The following HERC2 variants were observed in gnomAD, a reference collection of about 807,000 sequenced individuals.
HERC2 encodes the protein HECT and RLD domain containing E3 ubiquitin protein ligase 2.
A neutral mutation model predicts 537.7 loss-of-function variants in HERC2; 102 were observed. The observed-to-expected ratio is 0.19, with a 90% CI of 0.16 to 0.22. The LOEUF (loss-of-function observed/expected upper bound fraction) is 0.22, where lower values mean the gene tolerates loss of function less well. HERC2 is among the 10% of genes least tolerant of loss of function. The pLI is 1.00. For synonymous variants in HERC2, 2,224 were observed against 2,466.2 expected, an observed-to-expected ratio of 0.90 and a Z score of 2.91; for missense variants, 4,236 against 6,198.2, an observed-to-expected ratio of 0.68 and a Z score of 10.63.
intron 20 of HERC2, among the ~76,000 whole-genome samples, chr15:28,252,132 A>G (rs1407571311): frequency 6.6e-6 from 1 of 152,212 alleles, no homozygotes; most frequent in Non-Finnish European, 1.5e-5. Flanking sequence ...ATTAATAAAA[A>G]TTAAACAGAT....
Position 28,142,271 on chromosome 15 carries a change from T to C in HERC2, c.11667A>G (p.Lys3889=), listed in dbSNP as rs202215092. 163 of 1,614,228 alleles carry C rather than the reference T, an allele frequency of 1.0e-4. No homozygotes were observed. The highest frequency in any genetic ancestry group is 3.7e-4 in the Admixed American group (22 of 60,030). The change falls in exon 76 of 93, where the codon AAA becomes AAG. Residue 3889 remains lysine (K), a synonymous_variant. Coordinates refer to ENST00000261609, the MANE Select transcript of HERC2 (RefSeq NM_004667.6). The stretch of plus-strand genomic sequence containing the variant: ...GAAACAGACGGGGCAACGGTGTTCT[T>C]TTGTCAAGGGCCACAGCAACACGGG... ...MASRVAVALD[K]RTPLPRLFLD... is the part of the protein sequence containing the mutation.
intron 69 of HERC2, among the ~76,000 whole-genome samples, chr15:28,154,830 T>G (rs1892820561): frequency 6.6e-6 from 1 of 152,118 alleles, no homozygotes; most frequent in Non-Finnish European, 1.5e-5. Flanking sequence ...GTTTGTTACA[T>G]ATGTACACAT....
chr15:28,230,101 G>A (rs1054642986), intron 31 of HERC2, among the ~76,000 whole-genome samples: 2 of 152,278 alleles, frequency 1.3e-5, no homozygotes, highest in Admixed American at 6.5e-5. Flanking sequence ...ACAGGGCCCA[G>A]CACTGTTTCT....
chr15:28,292,956 T>C lies in HERC2; in HGVS notation c.254A>G (p.Glu85Gly), dbSNP rs765598082. 146 of 1,611,258 alleles carry C rather than the reference T, an allele frequency of 9.1e-5. No individual in the cohort carries two copies. Among genetic ancestry groups the C allele is most frequent in the Non-Finnish European group, 1.2e-4 (138 of 1,179,466 alleles). The change falls in exon 4 of 93, where the codon GAA (glutamate) becomes GGA (glycine). Residue 85 changes from glutamate to glycine, a missense_variant. This residue lies in a region of HERC2 where 491 missense variants were observed against 559.3 expected (regional missense o/e 0.88). Transcript: ENST00000261609. ...DLNDKEKKDE[E>G]ETPAPIYRAK... ...CCTATATATAGGTGCAGGAGTTTCT[T>C]CTTCATCTTTTTTCTCTTTGTCATT... is the stretch of plus-strand genomic sequence containing the variant.
intron 23 of HERC2, among the ~76,000 whole-genome samples, chr15:28,240,189 T>C (rs539813803): frequency 7.3e-4 from 111 of 152,244 alleles, no homozygotes; most frequent in African/African-American, 2.0e-3. Flanking sequence ...GAGGCCAAGG[T>C]GGGCAGATCA....
intron 69 of HERC2, among the ~76,000 whole-genome samples, chr15:28,155,812 G>C (rs1892951921): frequency 6.6e-6 from 1 of 152,082 alleles, no homozygotes; most frequent in African/African-American, 2.4e-5. Context: ...ATTGCTTTTG[G>C]TGTTTGAGAC....
chr15:28,256,849 C>T (rs1317193048), intron 17 of HERC2, among the ~76,000 whole-genome samples: 1 of 152,216 alleles, frequency 6.6e-6, no homozygotes, highest in Admixed American at 6.5e-5. Context: ...CCGCCCAGGC[C>T]TCCCAAAAGT....
Position 28,280,075 on chromosome 15 carries a change from T to C in HERC2, c.535A>G (p.Lys179Glu). 1 of 1,610,692 alleles carries C rather than the reference T, an allele frequency of 6.2e-7. No individual in the cohort carries two copies. The highest frequency in any genetic ancestry group is 8.5e-7 in the Non-Finnish European group (1 of 1,178,478). ...SSGISLPPVD[K>E]KSSRPAGKGV... is the part of the protein sequence containing the mutation. ...TCTTCGCTTTATTGTTACCTTTTTT[T>C]GTCCACAGGAGGCAGAGAAATACCG... Residue 179 changes from lysine to glutamate, a missense_variant, in exon 5 of 93, where the codon AAA becomes GAA. Around this residue, in one of 27 missense-constraint regions of HERC2, gnomAD observed 491 missense variants for 559.3 expected, o/e 0.88. Coordinates refer to ENST00000261609, the MANE Select transcript of HERC2 (RefSeq NM_004667.6).
At chr15:28,272,838 G>T in intron 8 of HERC2, 56 bp downstream of exon 8, 2 of 1,131,362 alleles carry the variant, frequency 1.8e-6, no homozygotes, top group Non-Finnish European at 2.6e-6. Flanking sequence ...CAATGCAACA[G>T]GTATTTCCAT....
chr15:28,272,303 C>A lies in HERC2; in HGVS notation c.995G>T (p.Gly332Val), dbSNP rs746687560. 6.2e-7 allele frequency: 1 copy of A among 1,612,252 alleles called. No homozygotes were observed. Among genetic ancestry groups the A allele is most frequent in the East Asian group, 2.2e-5 (1 of 44,838 alleles). ...QETDNERSAQ[G>V]TSAPLLPLLQ... ...CAAGGGCAAAAGTGGGGCGCTGGTG[C>A]CCTGGGCGGAACGCTCATTGTCAGT... The change falls in exon 9 of 93, where the codon GGC (glycine) becomes GTC (valine). Residue 332 changes from glycine to valine, a missense_variant. By Grantham distance (109) the Gly-to-Val change is moderately radical (BLOSUM62 -3). This residue lies in a region of HERC2 where 491 missense variants were observed against 559.3 expected (regional missense o/e 0.88). Coordinates refer to ENST00000261609, the MANE Select transcript of HERC2 (RefSeq NM_004667.6).
At position 28,148,805 on chromosome 15, in the gene HERC2, G is replaced by A. The variant is rs534034271; in HGVS notation, c.10901-2461C>T. ...AGAGCATCACCGAGAACGGCCACAC[G>A]AACGTACATTCTAGTAAAACTACTG... On this transcript the variant is annotated intron_variant, in intron 70 of 92. Transcript: ENST00000261609. Among the ~76,000 whole-genome samples, 10 of 141,436 alleles carry A rather than the reference G, an allele frequency of 7.1e-5. No homozygotes were observed. In the South Asian group the frequency reaches 1.2e-3, roughly 16 times the overall value. The allele number at this position is 141,436 out of a possible 152,430, so 92.8% of individuals were successfully genotyped here. A position where few individuals can be genotyped will look rare whatever the true frequency, so the allele number is the denominator to read the frequency against.
At chr15:28,132,037 G>T (rs749590139) in intron 81 of HERC2, 63 bp downstream of exon 81, 27 of 1,251,288 alleles carry the variant, frequency 2.2e-5, no homozygotes, top group Non-Finnish European at 2.7e-5. Flanking sequence ...TTCCCAGAGG[G>T]GCCCTGGGGG....
intron 65 of HERC2, among the ~76,000 whole-genome samples, chr15:28,170,542 A>G (rs1445741556): frequency 6.6e-6 from 1 of 152,238 alleles, no homozygotes; most frequent in Non-Finnish European, 1.5e-5. Context: ...AGTAGAAAAT[A>G]CAAAACTATA....
chr15:28,296,235 G>T (rs1419925155), intron 3 of HERC2, among the ~76,000 whole-genome samples: 1 of 152,078 alleles, frequency 6.6e-6, no homozygotes, highest in Non-Finnish European at 1.5e-5. Flanking sequence ...CCACACTTTG[G>T]GAGGCCGAGG....
At chr15:28,309,973 A>G (rs1480042858) in intron 2 of HERC2, among the ~76,000 whole-genome samples, 1 of 152,212 alleles carries the variant, frequency 6.6e-6, no homozygotes, top group Non-Finnish European at 1.5e-5. Flanking sequence ...TTTTGGTAAA[A>G]ATTATCAGCT....
At chr15:28,194,442 C>T (rs1026976543) in intron 52 of HERC2, among the ~76,000 whole-genome samples, 8 of 151,088 alleles carry the variant, frequency 5.3e-5, no homozygotes, top group African/African-American at 1.7e-4. Flanking sequence ...TGGTGGCGGG[C>T]GCCTGTAGTC....
At chr15:28,247,817 C>G (rs1903873693) in intron 21 of HERC2, among the ~76,000 whole-genome samples, 1 of 152,156 alleles carries the variant, frequency 6.6e-6, no homozygotes, top group Admixed American at 6.6e-5. Context: ...CCTACTGAAA[C>G]CTGAAAGTTT....
rs922362468 is a variant in HERC2, at chr15:28,168,534, G to A, written c.10286C>T (p.Pro3429Leu). The A allele has an allele frequency of 6.2e-7, 1 of 1,614,076 alleles. No homozygotes were observed. The highest frequency in any genetic ancestry group is 8.5e-7 in the Non-Finnish European group (1 of 1,180,038). The change falls in exon 67 of 93, where the codon CCC becomes CTC. Residue 3429 changes from proline (P) to leucine (L), a missense_variant. Physicochemically the swap from Pro to Leu is moderately conservative, Grantham distance 98. Around this residue, in one of 27 missense-constraint regions of HERC2, gnomAD observed 356 missense variants for 450.9 expected, o/e 0.79. Transcript: ENST00000261609. Reference protein sequence around the residue: ...PAAMIAPVECPSFSSAAPSDA... With the variant: ...PAAMIAPVECLSFSSAAPSDA... ...GGAAGGGGCCGCCGAGGAGAACGAG[G>A]GGCACTCCACCGGGGCGATCATGGC...
chr15:28,159,331 T>C (rs917294970), intron 69 of HERC2, among the ~76,000 whole-genome samples: 27 of 152,202 alleles, frequency 1.8e-4, no homozygotes, highest in Admixed American at 3.9e-4. Flanking sequence ...CTGCAGAGTG[T>C]TTTCCAACTT....
Sources: gnomAD v4.1 joint callset for allele counts (sites outside exome capture counted in the v4.1 genomes callset) on GRCh38, gnomAD v4.1.1 for gene constraint, gnomAD v4.1.1 regional missense constraint, MANE v1.5 for transcripts, NCBI Gene and HGNC (gene_info 2026-07-23, HGNC 2026-07-21) for gene names.